The following PTPRT variants were observed in gnomAD, a reference collection of about 807,000 sequenced individuals.
PTPRT encodes the protein receptor-type tyrosine-protein phosphatase T.
A neutral mutation model predicts 176.8 loss-of-function variants in PTPRT; 56 were observed. The observed-to-expected ratio is 0.32, with a 90% CI of 0.26 to 0.40. The LOEUF (loss-of-function observed/expected upper bound fraction) is 0.40, where lower values mean the gene tolerates loss of function less well. PTPRT is among the 10% of genes least tolerant of loss of function. The pLI, the probability that PTPRT is intolerant of heterozygous loss-of-function variation, is 1.00. For synonymous variants in PTPRT, 783 were observed against 739.0 expected (o/e 1.06, Z -0.96); for missense variants, 1,540 against 1,908.2 (o/e 0.81, Z 3.60).
intron 1 of PTPRT, among the ~76,000 whole-genome samples, chr20:43,130,740 G>A (rs1368988206): frequency 6.6e-6 from 1 of 151,048 alleles, no homozygotes; most frequent in Non-Finnish European, 1.5e-5. Flanking sequence ...CTGAGAGTCA[G>A]TGCAGAGAGT....
Position 42,102,169 on chromosome 20 carries a change from T to TGAGA in PTPRT, c.3665_3668dup (p.Val1224LeufsTer17). 1 of 1,614,104 alleles carries TGAGA rather than the reference T, an allele frequency of 6.2e-7. No individual in the cohort carries two copies. Among genetic ancestry groups the TGAGA allele is most frequent in the South Asian group, 1.1e-5 (1 of 91,084 alleles). ...TGTAATTGCTGGATTCTCCGTCCAC[T>TGAGA]GAGATAAGGAAGGGCAGGCAGCGGT... On this transcript the variant is annotated frameshift_variant, in exon 26 of 31. Coordinates refer to ENST00000373187, the MANE Select transcript of PTPRT (RefSeq NM_007050.6). LOFTEE classifies it high-confidence loss of function.
At chr20:42,636,261 A>G (rs1164089974) in intron 7 of PTPRT, among the ~76,000 whole-genome samples, 1 of 152,170 alleles carries the variant, frequency 6.6e-6, no homozygotes, top group Admixed American at 6.5e-5. Context: ...TTAATAATTT[A>G]AACTTAGTAT....
rs574608207 is a variant in PTPRT, at chr20:42,245,974, A to G, written c.2312+2713T>C. Among the ~76,000 whole-genome samples, 200 of 152,326 alleles carry G rather than the reference A, an allele frequency of 1.3e-3. 1 individual carries two copies. The highest frequency in any genetic ancestry group is 4.6e-3 in the African/African-American group (191 of 41,576). On this transcript the variant is annotated intron_variant, in intron 14 of 30. Transcript: ENST00000373187. Reference sequence around the variant, plus strand: ...GTGAACTTCTGAGTCCAAGCACTGTAGGTGATGATAGGACACTGAGGAGAT... The same window carrying G: ...GTGAACTTCTGAGTCCAAGCACTGTGGGTGATGATAGGACACTGAGGAGAT...
intron 5 of PTPRT, among the ~76,000 whole-genome samples, chr20:42,770,424 G>A (rs2077045623): frequency 6.6e-6 from 1 of 152,206 alleles, no homozygotes; most frequent in Non-Finnish European, 1.5e-5. Context: ...ATTAATGGAA[G>A]TATGCTAATG....
rs1384239180 is a variant in PTPRT, at chr20:42,288,922, G to C, written c.2140-6397C>G. ...GGGTCAAATGGTGGTTATGTTTTTA[G>C]TTCTTTAAGAAGTCTCCAAACTGCT... On this transcript the variant is annotated intron_variant, in intron 12 of 30. Transcript: ENST00000373187. 4.6e-5 allele frequency among the ~76,000 whole-genome samples: 7 copies of C among 151,826 alleles called. No individual in the cohort carries two copies. The East Asian group carries it at 1.4e-3, about 29-fold the overall frequency.
At chr20:42,490,674 A>G (rs913142434) in intron 7 of PTPRT, among the ~76,000 whole-genome samples, 18 of 152,082 alleles carry the variant, frequency 1.2e-4, no homozygotes, top group African/African-American at 3.9e-4. Flanking sequence ...CAATCCTCAT[A>G]CATCTTATTT....
intron 1 of PTPRT, among the ~76,000 whole-genome samples, chr20:42,925,452 G>T (rs781378573): frequency 1.3e-5 from 2 of 152,160 alleles, no homozygotes; most frequent in Non-Finnish European, 2.9e-5. Flanking sequence ...TGTTGGAAGG[G>T]CAAGGAGTGA....
chr20:42,509,009 A>T (rs2071906233), intron 7 of PTPRT, among the ~76,000 whole-genome samples: 1 of 112,056 alleles, frequency 8.9e-6, no homozygotes, highest in Non-Finnish European at 1.7e-5. Flanking sequence ...TATAAATTAT[A>T]TAATTTATAT....
chr20:42,415,238 G>A (rs752541306), intron 9 of PTPRT, among the ~76,000 whole-genome samples: 2 of 152,214 alleles, frequency 1.3e-5, no homozygotes, highest in Admixed American at 6.5e-5. Flanking sequence ...GTGGAGTGCA[G>A]TGGTGTAATT....
chr20:42,337,083 G>T (rs914117175), intron 11 of PTPRT, among the ~76,000 whole-genome samples: 3 of 152,082 alleles, frequency 2.0e-5, no homozygotes, highest in African/African-American at 4.8e-5. Context: ...CTTAGAGTTT[G>T]CATCACTCTT....
At chr20:42,985,056 C>T (rs1301594039) in intron 1 of PTPRT, among the ~76,000 whole-genome samples, 2 of 152,268 alleles carry the variant, frequency 1.3e-5, no homozygotes, top group East Asian at 3.9e-4. Flanking sequence ...TATGACCCAA[C>T]TGGGAGCTAC....
intron 1 of PTPRT, among the ~76,000 whole-genome samples, chr20:43,069,492 A>C (rs1422717165): frequency 6.6e-6 from 1 of 152,256 alleles, no homozygotes; most frequent in Non-Finnish European, 1.5e-5. Flanking sequence ...GTGGGAATCC[A>C]AAAAGGCTGT....
intron 1 of PTPRT, among the ~76,000 whole-genome samples, chr20:42,984,617 A>G (rs17812382): frequency 0.1 from 15,966 of 152,234 alleles, 939 homozygotes; most frequent in Middle Eastern, 0.15. Flanking sequence ...AGCACCTACT[A>G]TGGGCTGTCA....
chr20:42,483,872 C>A (rs1268873750), intron 7 of PTPRT, among the ~76,000 whole-genome samples: 1 of 152,248 alleles, frequency 6.6e-6, no homozygotes, highest in African/African-American at 2.4e-5. Context: ...TGGCTGCATG[C>A]TAGTATCTGC....
intron 16 of PTPRT, among the ~76,000 whole-genome samples, chr20:42,165,519 C>T (rs1170198122): frequency 6.6e-6 from 1 of 152,154 alleles, no homozygotes; most frequent in Non-Finnish European, 1.5e-5. Context: ...ATTCATGATC[C>T]ACCTCTGTGT....
chr20:42,529,360 G>C (rs1478003117), intron 7 of PTPRT, among the ~76,000 whole-genome samples: 1 of 152,242 alleles, frequency 6.6e-6, no homozygotes, highest in Non-Finnish European at 1.5e-5. Flanking sequence ...TTTGACACAT[G>C]TGAAACAAGG....
chr20:42,134,249 G>A (rs1471150043), intron 18 of PTPRT, among the ~76,000 whole-genome samples: 1 of 152,190 alleles, frequency 6.6e-6, no homozygotes, highest in African/African-American at 2.4e-5. Flanking sequence ...GTTTATACGA[G>A]GTAATTTACA....
intron 14 of PTPRT, among the ~76,000 whole-genome samples, chr20:42,241,994 G>T (rs2056363475): frequency 6.6e-6 from 1 of 152,130 alleles, no homozygotes; most frequent in South Asian, 2.1e-4. Flanking sequence ...TGTGATTCCA[G>T]GTAATTTCCT....
intron 1 of PTPRT, among the ~76,000 whole-genome samples, chr20:43,049,741 C>T (rs1045901952): frequency 6.6e-6 from 1 of 152,182 alleles, no homozygotes; most frequent in Admixed American, 6.5e-5. Flanking sequence ...GGGCAACTGG[C>T]ATCCTCTTTC....
Sources: allele counts gnomAD v4.1 joint callset (sites outside exome capture counted in the v4.1 genomes callset), GRCh38; gene constraint gnomAD v4.1.1; transcripts MANE v1.5; gene names NCBI Gene and HGNC (gene_info 2026-07-23, HGNC 2026-07-21).